The following LRP1B variants were observed in gnomAD, a reference collection of about 807,000 sequenced individuals.
LRP1B encodes the protein LDL receptor related protein 1B.
Under a neutral mutation model 556.6 loss-of-function variants are expected in LRP1B, and 217 were observed. The ratio of observed to expected loss-of-function variants is 0.39; its 90% CI spans 0.35 to 0.44. The LOEUF (loss-of-function observed/expected upper bound fraction) is 0.44. Among genes scored for constraint, LRP1B ranks in the 20% least tolerant of loss-of-function variants. The probability of loss-of-function intolerance (pLI) is 1.00; values close to 1 mark genes in which losing one functional copy is unlikely to be tolerated. For missense variants in LRP1B, 5,053 were observed against 5,620.8 expected (o/e 0.90, Z 3.23); for synonymous variants, 2,047 against 1,865.8 (o/e 1.10, Z -2.50).
At chr2:140,800,230 A>C (rs552084758) in intron 32 of LRP1B, among the ~76,000 whole-genome samples, 1 of 152,134 alleles carries the variant, frequency 6.6e-6, no homozygotes, top group African/African-American at 2.4e-5. Context: ...GGGGAACATC[A>C]CACACTGGGG....
chr2:141,927,922 A>G (rs1345052646), intron 1 of LRP1B, among the ~76,000 whole-genome samples: 1 of 136,266 alleles, frequency 7.3e-6, no homozygotes, highest in East Asian at 2.2e-4. Flanking sequence ...AAAAAAAAAG[A>G]AAGAAAGAAA....
At chr2:141,172,164 T>A (rs1206661750) in intron 7 of LRP1B, among the ~76,000 whole-genome samples, 1 of 152,046 alleles carries the variant, frequency 6.6e-6, no homozygotes, top group African/African-American at 2.4e-5. Flanking sequence ...ATGAAATAGT[T>A]CACAAAGCAC....
At chr2:141,170,970 C>G (rs1368207955) in intron 7 of LRP1B, among the ~76,000 whole-genome samples, 1 of 151,922 alleles carries the variant, frequency 6.6e-6, no homozygotes, top group Non-Finnish European at 1.5e-5. Context: ...TCGTGTGCTC[C>G]CTCAGTTTCT....
intron 41 of LRP1B, among the ~76,000 whole-genome samples, chr2:140,627,876 G>T (rs1039618997): frequency 3.0e-4 from 45 of 151,250 alleles, no homozygotes; most frequent in African/African-American, 1.1e-3. Context: ...GAGTTAAATG[G>T]CAAAAGGATA....
intron 2 of LRP1B, among the ~76,000 whole-genome samples, chr2:141,583,343 C>A (rs1211948779): frequency 6.6e-6 from 1 of 152,002 alleles, no homozygotes; most frequent in Non-Finnish European, 1.5e-5. Flanking sequence ...AGTGATTGAT[C>A]CAAAGGTTAC....
intron 3 of LRP1B, among the ~76,000 whole-genome samples, chr2:141,399,809 C>T (rs921475649): frequency 1.3e-5 from 2 of 152,130 alleles, no homozygotes; most frequent in African/African-American, 2.4e-5. Flanking sequence ...TGTCAAATTC[C>T]AGAATCTACA....
chr2:141,974,775 C>G (rs1701838831), intron 1 of LRP1B, among the ~76,000 whole-genome samples: 1 of 152,032 alleles, frequency 6.6e-6, no homozygotes, highest in South Asian at 2.1e-4. Context: ...TTCCAATTTT[C>G]CAACCAAAGC....
chr2:140,482,740 T>A (rs1688293581), intron 59 of LRP1B, among the ~76,000 whole-genome samples: 2 of 152,108 alleles, frequency 1.3e-5, no homozygotes, highest in Non-Finnish European at 2.9e-5. Context: ...TCTAAAAGTA[T>A]CATTGCTCTA....
intron 32 of LRP1B, among the ~76,000 whole-genome samples, chr2:140,805,121 C>T (rs1434190458): frequency 6.6e-6 from 1 of 152,116 alleles, no homozygotes; most frequent in African/African-American, 2.4e-5. Flanking sequence ...GATTATTAGA[C>T]TGTGACATGA....
chr2:140,728,344 A>G (rs1004702441), intron 35 of LRP1B, among the ~76,000 whole-genome samples: 9 of 152,200 alleles, frequency 5.9e-5, no homozygotes, highest in African/African-American at 2.2e-4. Flanking sequence ...GTAACACGTG[A>G]GAACTAAAAT....
chr2:141,937,301 C>A (rs987333352), intron 1 of LRP1B, among the ~76,000 whole-genome samples: 1 of 151,662 alleles, frequency 6.6e-6, no homozygotes, highest in Admixed American at 6.6e-5. Flanking sequence ...TGCTGTGAAG[C>A]CAGGAGGTGG....
At chr2:140,778,860 T>C (rs1477591667) in intron 32 of LRP1B, among the ~76,000 whole-genome samples, 1 of 152,050 alleles carries the variant, frequency 6.6e-6, no homozygotes, top group African/African-American at 2.4e-5. Flanking sequence ...ATTAAGACAT[T>C]CAGAAAATTT....
At chr2:140,495,057 C>A (rs1688858684) in intron 56 of LRP1B, among the ~76,000 whole-genome samples, 1 of 152,026 alleles carries the variant, frequency 6.6e-6, no homozygotes, top group Admixed American at 6.6e-5. Context: ...AAATACACTC[C>A]TTGGAATAAA....
chr2:141,137,055 A>G lies in LRP1B; in HGVS notation c.1013+51366T>C, dbSNP rs113952870. Among the ~76,000 whole-genome samples the G allele has an allele frequency of 7.3e-3, 1,111 of 152,086 alleles. 12 individuals carry two copies. Among genetic ancestry groups the G allele is most frequent in the Non-Finnish European group, 0.013 (867 of 67,896 alleles). On this transcript the variant is annotated intron_variant, in intron 7 of 90. Transcript: ENST00000389484. ...TTATTCGAAAAAAAGTCTATTATGAATATCACATAAGGCCAGTTTTTAAAT... is the reference window on the plus strand; with the variant it reads ...TTATTCGAAAAAAAGTCTATTATGAGTATCACATAAGGCCAGTTTTTAAAT...
At chr2:140,794,549 C>A (rs1690235531) in intron 32 of LRP1B, among the ~76,000 whole-genome samples, 1 of 151,274 alleles carries the variant, frequency 6.6e-6, no homozygotes, top group Non-Finnish European at 1.5e-5. Flanking sequence ...AGATGAATTT[C>A]CAAAGCATAG....
chr2:141,424,698 G>A (rs943107100), intron 3 of LRP1B, among the ~76,000 whole-genome samples: 1 of 151,996 alleles, frequency 6.6e-6, no homozygotes, highest in Admixed American at 6.6e-5. Context: ...TTAACACCAA[G>A]TTTGACTGAT....
At chr2:141,888,869 A>G (rs1398379131) in intron 1 of LRP1B, among the ~76,000 whole-genome samples, 4 of 152,168 alleles carry the variant, frequency 2.6e-5, no homozygotes, top group African/African-American at 7.2e-5. Flanking sequence ...CCACTTTCGT[A>G]TATTGTATAC....
intron 31 of LRP1B, among the ~76,000 whole-genome samples, chr2:140,826,179 T>G (rs2105064538): frequency 6.6e-6 from 1 of 152,246 alleles, no homozygotes; most frequent in African/African-American, 2.4e-5. Flanking sequence ...AAGTCAAAAT[T>G]TTGCAACAAA....
At chr2:140,242,436 G>T (rs1680987235) in intron 87 of LRP1B, among the ~76,000 whole-genome samples, 1 of 151,072 alleles carries the variant, frequency 6.6e-6, no homozygotes, top group African/African-American at 2.4e-5. Context: ...ATGTCATAGG[G>T]TCTATAAATT....
Sources: allele counts gnomAD v4.1 joint callset (sites outside exome capture counted in the v4.1 genomes callset), GRCh38; gene constraint gnomAD v4.1.1; transcripts MANE v1.5; gene names NCBI Gene and HGNC (gene_info 2026-07-23, HGNC 2026-07-21).